Variants in ATP10B observed in about 807,000 individuals in gnomAD.
The protein encoded by ATP10B is phospholipid-transporting ATPase VB.
ATP10B carries 122 observed loss-of-function variants against 141.2 expected under a neutral mutation model. That is an observed-to-expected ratio of 0.86 (90% CI 0.75 to 1.00). The LOEUF is 1.00. Ranked by LOEUF, ATP10B falls within the 50% of genes least tolerant of loss-of-function variation. The pLI is 0.00. For missense variants in ATP10B, 1,876 were observed against 1,825.3 expected, an observed-to-expected ratio of 1.03 and a Z score of -0.51; for synonymous variants, 685 against 692.0, an observed-to-expected ratio of 0.99 and a Z score of 0.16.
Position 160,620,873 on chromosome 5 carries a change from T to C in ATP10B, c.1890A>G (p.Leu630=), listed in dbSNP as rs1268310952. The change falls in exon 15 of 26, where the codon CTA becomes CTG. Residue 630 remains leucine (L), a synonymous_variant. Transcript: ENST00000327245. ...ATGAGAATGACTGGCTGAGGCTCAA[T>C]AGCTTCAACTTCTGGAAGAGCTGCT... ...KIQQLFQKLK[L]LSLSQSFSST... is the part of the protein sequence containing the mutation. 6.2e-7 allele frequency: 1 copy of C among 1,614,194 alleles called. No individual in the cohort carries two copies. The highest frequency in any genetic ancestry group is 1.1e-5 in the South Asian group (1 of 91,088).
intron 1 of ATP10B, among the ~76,000 whole-genome samples, chr5:160,831,571 GGT>G (rs1343511224): frequency 6.6e-6 from 1 of 151,936 alleles, no homozygotes; most frequent in African/African-American, 2.4e-5. Flanking sequence ...CTAATTATGA[GGT>G]AACACCTCAG....
chr5:160,913,962 G>T, the ATP10B span, among the ~76,000 whole-genome samples: 1 of 152,190 alleles, frequency 6.6e-6, no homozygotes, highest in Non-Finnish European at 1.5e-5. Flanking sequence ...TACGAAAGTA[G>T]ATTGTCCTTG....
the ATP10B span, among the ~76,000 whole-genome samples, chr5:160,875,336 A>G: frequency 1.1e-4 from 10 of 87,990 alleles, no homozygotes; most frequent in African/African-American, 2.4e-4. Context: ...GCAAATGCTG[A>G]GAGATTTTGT....
chr5:160,775,032 A>G (rs1050730294), intron 2 of ATP10B, among the ~76,000 whole-genome samples: 1 of 152,188 alleles, frequency 6.6e-6, no homozygotes, highest in Non-Finnish European at 1.5e-5. Context: ...GATTCAGATG[A>G]ATCTTCTGAA....
chr5:160,923,223 CTG>C, the ATP10B span, among the ~76,000 whole-genome samples: 5 of 152,282 alleles, frequency 3.3e-5, no homozygotes, highest in East Asian at 1.9e-4. Context: ...CAAAAGGAGA[CTG>C]TGCACACGAG....
intron 24 of ATP10B, among the ~76,000 whole-genome samples, chr5:160,571,429 A>C (rs1044801868): frequency 1.3e-5 from 2 of 152,188 alleles, no homozygotes; most frequent in African/African-American, 2.4e-5. Context: ...ATAGTTTACC[A>C]ATCCCTGCAG....
the ATP10B span, among the ~76,000 whole-genome samples, chr5:160,913,224 C>G: frequency 6.6e-6 from 1 of 152,210 alleles, no homozygotes; most frequent in Non-Finnish European, 1.5e-5. Flanking sequence ...CTTTCTGCAG[C>G]CCTCAGCAAC....
At chr5:160,670,809 C>A (rs1458494443) in intron 6 of ATP10B, 142 bp from the exon 7 acceptor site, 2 of 676,066 alleles carry the variant, frequency 3.0e-6, no homozygotes, top group South Asian at 1.8e-5. Context: ...TACCTTACCC[C>A]TGAATGACCA....
the ATP10B span, among the ~76,000 whole-genome samples, chr5:160,916,413 G>T: frequency 6.7e-6 from 1 of 149,992 alleles, no homozygotes; most frequent in African/African-American, 2.5e-5. Context: ...TTTGTAGATA[G>T]CTTCCCAGGG....
rs1319044939 is a variant in ATP10B, at chr5:160,606,991, TA to T, written c.2933del (p.Leu978TyrfsTer26). 41 of 1,614,158 alleles carry T rather than the reference TA, an allele frequency of 2.5e-5. No individual in the cohort carries two copies. The highest frequency in any genetic ancestry group is 3.5e-5 in the Non-Finnish European group (41 of 1,180,020). On this transcript the variant is annotated frameshift_variant, in exon 19 of 26. Coordinates refer to ENST00000327245, the MANE Select transcript of ATP10B (RefSeq NM_025153.3). LOFTEE classifies it high-confidence loss of function. ...KPDRKLFGFR[L>X]PSKTPSITSE... ...AGGTGATGGATGGTGTCTTGGAAGG[TA>T]AGCGGAATCCAAAGAGCTTGCGGTC... is the stretch of plus-strand genomic sequence containing the variant.
At chr5:160,583,915 G>A (rs1373038720) in intron 24 of ATP10B, among the ~76,000 whole-genome samples, 1 of 152,192 alleles carries the variant, frequency 6.6e-6, no homozygotes, top group Non-Finnish European at 1.5e-5. Flanking sequence ...ACTTCAGACT[G>A]CTGTGCTCGC....
upstream of ATP10B, among the ~76,000 whole-genome samples, chr5:160,853,647 A>G (rs1016121909): frequency 6.6e-6 from 1 of 152,176 alleles, no homozygotes; most frequent in Non-Finnish European, 1.5e-5. Flanking sequence ...ACCAATGAAT[A>G]GAGAGTCCTC....
chr5:160,731,523 T>A (rs376083844), intron 2 of ATP10B, among the ~76,000 whole-genome samples: 1 of 152,210 alleles, frequency 6.6e-6, no homozygotes, highest in East Asian at 1.9e-4. Flanking sequence ...GGTCAAGTAG[T>A]CAGTGAGTTG....
At chr5:160,767,262 TGTC>T (rs1769519425) in intron 2 of ATP10B, among the ~76,000 whole-genome samples, 1 of 152,146 alleles carries the variant, frequency 6.6e-6, no homozygotes, top group Admixed American at 6.5e-5. Context: ...ATTTTCCCCA[TGTC>T]ACTTGAGCAA....
chr5:160,670,933 G>A (rs954652503), intron 6 of ATP10B, among the ~76,000 whole-genome samples: 8 of 152,002 alleles, frequency 5.3e-5, no homozygotes, highest in South Asian at 2.1e-4. Context: ...TTGGGAGGCC[G>A]AGGTGGGTGG....
chr5:160,813,309 T>C (rs1007356279), intron 1 of ATP10B, among the ~76,000 whole-genome samples: 1 of 152,254 alleles, frequency 6.6e-6, no homozygotes, highest in African/African-American at 2.4e-5. Flanking sequence ...TCCAATGGTC[T>C]TAGCAAACGA....
the ATP10B span, among the ~76,000 whole-genome samples, chr5:160,897,413 GC>G: frequency 6.6e-6 from 1 of 152,134 alleles, no homozygotes; most frequent in Non-Finnish European, 1.5e-5. Flanking sequence ...CAAACAGAGA[GC>G]CAAATCATGA....
chr5:160,840,531 T>A (rs1775749936), intron 1 of ATP10B, among the ~76,000 whole-genome samples: 2 of 152,120 alleles, frequency 1.3e-5, no homozygotes, highest in Non-Finnish European at 2.9e-5. Context: ...ACAGATTCCT[T>A]CTTCATATCA....
chr5:160,789,075 G>A (rs762851177), intron 1 of ATP10B, among the ~76,000 whole-genome samples: 1 of 152,092 alleles, frequency 6.6e-6, no homozygotes, highest in Non-Finnish European at 1.5e-5. Flanking sequence ...TGATATTTAT[G>A]TGCATGCATA....
Sources: gnomAD v4.1 joint callset for allele counts (sites outside exome capture counted in the v4.1 genomes callset) on GRCh38, gnomAD v4.1.1 for gene constraint, MANE v1.5 for transcripts, NCBI Gene and HGNC (gene_info 2026-07-23, HGNC 2026-07-21) for gene names.